The following SRRT variants were observed in gnomAD, a reference collection of about 807,000 sequenced individuals.
The protein encoded by SRRT is serrate, RNA effector molecule.
In SRRT, 32 loss-of-function variants were observed where a neutral mutation model predicts 103.2. The observed-to-expected ratio is 0.31, with a 90% CI of 0.23 to 0.42. The LOEUF is 0.42. SRRT is among the 10% of genes least tolerant of loss of function. SRRT has a pLI of 1.00. For missense variants in SRRT, 986 were observed against 1,207.5 expected (o/e 0.82, Z 2.72); for synonymous variants, 525 against 449.0 (o/e 1.17, Z -2.14).
intron 2 of SRRT, 36 bp downstream of exon 2, chr7:100,875,748 A>G: frequency 6.2e-7 from 1 of 1,610,532 alleles, no homozygotes; most frequent in Non-Finnish European, 8.5e-7. Context: ...TCCCCGTTTC[A>G]TGCCGTTTCA....
At chr7:100,884,719 A>G (rs1234759068) in intron 7 of SRRT, 21 bp from the exon 8 acceptor site, 4 of 1,609,192 alleles carry the variant, frequency 2.5e-6, no homozygotes, top group Non-Finnish European at 3.4e-6. Flanking sequence ...TGACATCCCC[A>G]GTGGTTGTCT....
In SRRT at chr7:100,885,790, A is replaced by C; in HGVS notation, c.1379+28A>C. On this transcript the variant is annotated intron_variant, in intron 11 of 19. Transcript: ENST00000611405. The surrounding 1 kb of genome is among the most constrained non-coding windows in gnomAD (Gnocchi z 4.8). ...GAGTAACTCGGTGCGTTGGAGGGAA[A>C]AGTGCAGGGGAACGTTAATGGCCAA... The C allele has an allele frequency of 1.2e-6, 2 of 1,613,960 alleles. No homozygotes were observed. Among genetic ancestry groups the C allele is most frequent in the Non-Finnish European group, 1.7e-6 (2 of 1,179,884 alleles).
chr7:100,882,293 C>CACCAGCGGGGCCAGGGG lies in SRRT; in HGVS notation c.587+52_587+53insACCAGCGGGGCCAGGGG. ...CTGCCCTGGCATGTCCCCCTGGCCC[C>CACCAGCGGGGCCAGGGG]GCTGGTGGAGCCACAGCCCTGTCCT... On this transcript the variant is annotated intron_variant, in intron 5 of 19. Transcript: ENST00000611405. This position sits in a 1 kb window ranked among gnomAD's most constrained non-coding sequence, Gnocchi z 4.2. The CACCAGCGGGGCCAGGGG allele has an allele frequency of 6.3e-7, 1 of 1,579,160 alleles. No individual in the cohort carries two copies. The highest frequency in any genetic ancestry group is 8.6e-7 in the Non-Finnish European group (1 of 1,157,160).
rs950465965 is a variant in SRRT, at chr7:100,887,650, G to C, written c.2170-53G>C. On this transcript the variant is annotated intron_variant, in intron 16 of 19. Transcript: ENST00000611405. The surrounding 1 kb of genome is among the most constrained non-coding windows in gnomAD (Gnocchi z 4.1). ...GGGAATCCTTCCAGCTCGGGCCTGG[G>C]AGCGAGGCAACCCTTATGTGGCTGT... is the stretch of plus-strand genomic sequence containing the variant. The C allele has an allele frequency of 6.3e-7, 1 of 1,584,720 alleles. No homozygotes were observed. Among genetic ancestry groups the C allele is most frequent in the Non-Finnish European group, 8.6e-7 (1 of 1,160,344 alleles).
chr7:100,888,374 C>A lies in SRRT; in HGVS notation c.2546C>A (p.Pro849His). The change falls in exon 19 of 20, where the codon CCT becomes CAT. Residue 849 changes from proline (P) to histidine (H), a missense_variant. By Grantham distance (77) the Pro-to-His change is moderately conservative. Transcript: ENST00000611405. ...FRGQGGYPGK[P>H]RNRMVRGDPR... ...GGCCAGGGAGGTTATCCTGGGAAAC[C>A]TCGCAACAGGTGAGGAGGGCAGACG... 1 of 1,613,912 alleles carries A rather than the reference C, an allele frequency of 6.2e-7. No homozygotes were observed. Among genetic ancestry groups the A allele is most frequent in the Non-Finnish European group, 8.5e-7 (1 of 1,179,854 alleles).
Position 100,885,824 on chromosome 7 carries a change from C to G in SRRT, c.1380-39C>G. 6.2e-7 allele frequency: 1 copy of G among 1,613,852 alleles called. No individual in the cohort carries two copies. The highest frequency in any genetic ancestry group is 2.2e-5 in the East Asian group (1 of 44,876). ...GGAACGTTAATGGCCAACACCAACT[C>G]CCTCGCTTGACTATGCTAACATTTT... On this transcript the variant is annotated intron_variant, in intron 11 of 19. Coordinates refer to ENST00000611405, the MANE Select transcript of SRRT (RefSeq NM_015908.6). This position sits in a 1 kb window ranked among gnomAD's most constrained non-coding sequence, Gnocchi z 4.8.
At position 100,885,586 on chromosome 7, in the gene SRRT, G is replaced by C; in HGVS notation, c.1318-115G>C. The C allele has an allele frequency of 8.1e-7, 1 of 1,241,232 alleles. No homozygotes were observed. The highest frequency in any genetic ancestry group is 1.1e-6 in the Non-Finnish European group (1 of 870,890). 76.9% of individuals were successfully genotyped at this position (1,241,232 alleles called of 1,614,324 possible). On this transcript the variant is annotated intron_variant, in intron 10 of 19. Coordinates refer to ENST00000611405, the MANE Select transcript of SRRT (RefSeq NM_015908.6). This position sits in a 1 kb window ranked among gnomAD's most constrained non-coding sequence, Gnocchi z 4.8. Reference sequence around the variant, plus strand: ...CTTTAGTGGTTTTTCCCTGCCCAAGGATGGGAAGAGTGATAAGGCAGTTAG... The same window carrying C: ...CTTTAGTGGTTTTTCCCTGCCCAAGCATGGGAAGAGTGATAAGGCAGTTAG...
At chr7:100,876,005 A>G (rs1231810466) in intron 2 of SRRT, 1 of 348,684 alleles carries the variant, frequency 2.9e-6, no homozygotes, top group South Asian at 2.4e-5. Context: ...TGTTATTGAG[A>G]TGGGGTCTTG....
rs1006230099 is a variant in SRRT, at chr7:100,885,494, G to A, written c.1317+124G>A. 2 of 1,199,584 alleles carry A rather than the reference G, an allele frequency of 1.7e-6. No homozygotes were observed. The highest frequency in any genetic ancestry group is 2.3e-6 in the Non-Finnish European group (2 of 860,248). 74.3% of individuals were successfully genotyped at this position (1,199,584 alleles called of 1,614,324 possible). ...CCTGCTAGGGAGGCCCCTTCCCCAG[G>A]TTCCATGGCCTCCGAGGACTAGTCC... is the stretch of plus-strand genomic sequence containing the variant. On this transcript the variant is annotated intron_variant, in intron 10 of 19. Coordinates refer to ENST00000611405, the MANE Select transcript of SRRT (RefSeq NM_015908.6). This position sits in a 1 kb window ranked among gnomAD's most constrained non-coding sequence, Gnocchi z 4.8.
intron 19 of SRRT, 24 bp from the exon 20 acceptor site, chr7:100,888,450 C>T (rs755323780): frequency 4.3e-6 from 7 of 1,613,834 alleles, no homozygotes; most frequent in Non-Finnish European, 5.9e-6. Context: ...CCTCAGCTCT[C>T]ATCCTGTACC....
chr7:100,888,133 G>C lies in SRRT; in HGVS notation c.2418G>C (p.Leu806Phe). 6.2e-7 allele frequency: 1 copy of C among 1,610,692 alleles called. No homozygotes were observed. The highest frequency in any genetic ancestry group is 8.5e-7 in the Non-Finnish European group (1 of 1,178,340). ...MPYGQPRPPILGYGAGAVRPA... is the reference protein window; with the variant it reads ...MPYGQPRPPIFGYGAGAVRPA... Reference sequence around the variant, plus strand: ...ATGGTCAGCCCCGGCCCCCGATCTTGGGCTATGGAGGTAAGTACAGGAGGG... The same window carrying C: ...ATGGTCAGCCCCGGCCCCCGATCTTCGGCTATGGAGGTAAGTACAGGAGGG... Residue 806 changes from leucine to phenylalanine, a missense_variant, in exon 18 of 20, where the codon TTG becomes TTC. This residue lies in a region of SRRT where 178 missense variants were observed against 189.6 expected (regional missense o/e 0.94). Coordinates refer to ENST00000611405, the MANE Select transcript of SRRT (RefSeq NM_015908.6).
intron 2 of SRRT, among the ~76,000 whole-genome samples, chr7:100,879,081 G>A (rs1436843020): frequency 2.0e-5 from 3 of 151,892 alleles, no homozygotes; most frequent in Non-Finnish European, 4.4e-5. Flanking sequence ...TCAGCCTCCC[G>A]AGTAGTTGGG....
rs1050267999 is a variant in SRRT, at chr7:100,886,702, C to G, written c.1648-93C>G. 14 of 1,420,668 alleles carry G rather than the reference C, an allele frequency of 9.9e-6. No individual in the cohort carries two copies. In the Admixed American group the frequency reaches 1.5e-4, roughly 16 times the overall value. 88.0% of individuals were successfully genotyped at this position (1,420,668 alleles called of 1,614,324 possible). A position where few individuals can be genotyped will look rare whatever the true frequency, so the allele number is the denominator to read the frequency against. On this transcript the variant is annotated intron_variant, in intron 13 of 19. Coordinates refer to ENST00000611405, the MANE Select transcript of SRRT (RefSeq NM_015908.6). ...GGTGCCATTTATGTCCGGTGAACTC[C>G]TGTCCCCTCGCTGCTCTTTCACTTG... is the stretch of plus-strand genomic sequence containing the variant.
chr7:100,883,358 C>G (rs1789755621), intron 5 of SRRT, among the ~76,000 whole-genome samples: 1 of 152,132 alleles, frequency 6.6e-6, no homozygotes, highest in African/African-American at 2.4e-5. Flanking sequence ...CCTTTCCTCC[C>G]TTTCCCCTTT....
intron 2 of SRRT, among the ~76,000 whole-genome samples, chr7:100,876,660 A>G (rs1344267817): frequency 1.3e-5 from 2 of 152,204 alleles, no homozygotes; most frequent in African/African-American, 4.8e-5. Flanking sequence ...TGGATTGATT[A>G]TAAGATGTGG....
In SRRT at chr7:100,875,449, G is replaced by T. The variant is rs1815576840; in HGVS notation, c.-19+121G>T. 4 of 1,533,682 alleles carry T rather than the reference G, an allele frequency of 2.6e-6. No homozygotes were observed. In the Admixed American group the frequency reaches 7.4e-5, roughly 28 times the overall value. ...TGTTGGAGCCGCGTTCTCAGGCCTA[G>T]GATGGTGGGGGCCGCGGAGGGCTGG... On this transcript the variant is annotated intron_variant, in intron 1 of 19. Coordinates refer to ENST00000611405, the MANE Select transcript of SRRT (RefSeq NM_015908.6).
chr7:100,884,273 G>A, intron 6 of SRRT, 34 bp downstream of exon 6: 2 of 1,613,626 alleles, frequency 1.2e-6, no homozygotes, highest in South Asian at 1.1e-5. Context: ...AGGCATCTGG[G>A]CCCCATGGGG....
intron 12 of SRRT, 110 bp from the exon 13 acceptor site, chr7:100,886,137 G>T: frequency 7.4e-7 from 1 of 1,345,840 alleles, no homozygotes; most frequent in East Asian, 2.4e-5. Context: ...TCCCCAGGGA[G>T]CTCGCAGTCT....
intron 5 of SRRT, 117 bp from the exon 6 acceptor site, chr7:100,883,953 C>T: frequency 1.7e-6 from 2 of 1,152,296 alleles, no homozygotes. Context: ...ATTTTGATGA[C>T]CTTTTGTGGT....
Sources: allele counts gnomAD v4.1 joint callset (sites outside exome capture counted in the v4.1 genomes callset), GRCh38; gene constraint gnomAD v4.1.1; regional missense constraint gnomAD v4.1.1; non-coding constraint Gnocchi (gnomAD v3.1); transcripts MANE v1.5; gene names NCBI Gene and HGNC (gene_info 2026-07-23, HGNC 2026-07-21).